Variants in STK10 observed in about 807,000 individuals in gnomAD.
STK10 encodes serine/threonine kinase 10, also known as serine/threonine-protein kinase 10.
STK10 carries 78 observed loss-of-function variants against 113.8 expected under a neutral mutation model. The observed-to-expected ratio is 0.69, with a 90% CI of 0.57 to 0.83. The LOEUF is 0.83. Among genes scored for constraint, STK10 ranks in the 40% least tolerant of loss-of-function variants. The pLI is 0.00. For synonymous variants in STK10, 465 were observed against 494.7 expected (o/e 0.94, Z 0.80); for missense variants, 1,109 against 1,280.1 (o/e 0.87, Z 2.04).
intron 4 of STK10, among the ~76,000 whole-genome samples, chr5:172,116,373 T>A (rs1769383838): frequency 6.6e-6 from 1 of 151,614 alleles, no homozygotes; most frequent in South Asian, 2.1e-4. Context: ...TGAGCCACCA[T>A]GCCTGGCCGA....
intron 12 of STK10, among the ~76,000 whole-genome samples, chr5:172,072,647 C>T (rs1360801960): frequency 1.3e-5 from 2 of 152,180 alleles, no homozygotes; most frequent in African/African-American, 4.8e-5. Context: ...CTATAAACAG[C>T]CCTATTGCTA....
chr5:172,087,107 AGTGTGTGTGTGTGT>A lies in STK10; in HGVS notation c.1685+3111_1685+3124del, dbSNP rs201052929. On this transcript the variant is annotated intron_variant, in intron 10 of 18. Transcript: ENST00000176763. ...CCTCCCGACCCACACAGATGACACCAGTGTGTGTGTGTGTGTGTGTGTGTGTGTGTGTGTGTGTG... is the reference window on the plus strand; with the variant it reads ...CCTCCCGACCCACACAGATGACACCAGTGTGTGTGTGTGTGTGTGTGTGTG... Among the ~76,000 whole-genome samples, 367 of 128,948 alleles carry A rather than the reference AGTGTGTGTGTGTGT, an allele frequency of 2.8e-3. 3 individuals are homozygous for A. Among genetic ancestry groups the A allele is most frequent in the African/African-American group, 8.4e-3 (286 of 33,878 alleles). 84.6% of individuals were successfully genotyped at this position (128,948 alleles called of 152,430 possible).
At chr5:172,066,830 T>C (rs1768083996) in intron 12 of STK10, among the ~76,000 whole-genome samples, 1 of 152,130 alleles carries the variant, frequency 6.6e-6, no homozygotes, top group Non-Finnish European at 1.5e-5. Context: ...TTCCTAACTG[T>C]GTGTGTGAAC....
intron 1 of STK10, among the ~76,000 whole-genome samples, chr5:172,160,098 G>A (rs780572503): frequency 1.8e-4 from 26 of 147,840 alleles, no homozygotes; most frequent in Non-Finnish European, 3.4e-4. Flanking sequence ...ATTGCACCAC[G>A]GCACTCCAGC....
intron 12 of STK10, among the ~76,000 whole-genome samples, chr5:172,068,797 A>G (rs1180635614): frequency 2.0e-5 from 3 of 151,826 alleles, no homozygotes; most frequent in Non-Finnish European, 4.4e-5. Context: ...AGGCATGAGA[A>G]CTGCTTGAAC....
In STK10 at chr5:172,168,484, G is replaced by A. The variant is rs374845303; in HGVS notation, c.157-11696C>T. ...CCACTAAGGCCCCTGGCTGGCAGGC[G>A]TGAGTCAGCAGAGGACAGGAGCCTT... On this transcript the variant is annotated intron_variant, in intron 1 of 18. Coordinates refer to ENST00000176763, the MANE Select transcript of STK10 (RefSeq NM_005990.4). Among the ~76,000 whole-genome samples, 141 of 152,272 alleles carry A rather than the reference G, an allele frequency of 9.3e-4. 5 individuals carry two copies. In the South Asian group the frequency reaches 0.022, roughly 24 times the overall value.
intron 1 of STK10, among the ~76,000 whole-genome samples, chr5:172,181,989 T>TA (rs1770865427): frequency 6.6e-6 from 1 of 152,044 alleles, no homozygotes; most frequent in Non-Finnish European, 1.5e-5. Context: ...AACTCCCAAT[T>TA]TTGCAAAACA....
At chr5:172,105,569 G>T in intron 7 of STK10, 87 bp downstream of exon 7, 2 of 1,387,820 alleles carry the variant, frequency 1.4e-6, no homozygotes, top group Non-Finnish European at 2.0e-6. Context: ...CCCTGGGCGG[G>T]GTGAGAACAT....
Position 172,105,709 on chromosome 5 carries a change from T to C in STK10, c.817A>G (p.Ile273Val), listed in dbSNP as rs1442324445. 1.2e-6 allele frequency: 2 copies of C among 1,613,866 alleles called. No individual in the cohort carries two copies. The highest frequency in any genetic ancestry group is 1.1e-5 in the South Asian group (1 of 91,084). The change falls in exon 7 of 19, where the codon ATA (isoleucine) becomes GTA (valine). Residue 273 changes from isoleucine to valine, a missense_variant. This residue lies in a region of STK10 where 885 missense variants were observed against 991.1 expected (regional missense o/e 0.89). Coordinates refer to ENST00000176763, the MANE Select transcript of STK10 (RefSeq NM_005990.4). The part of the protein sequence containing the change: ...WSVEFRDFLK[I>V]ALDKNPETRP... Reference sequence around the variant, plus strand: ...GTTTCTGGGTTCTTATCCAGGGCTATCTTCAGGAAGTCACGGAACTCTACA... The same window carrying C: ...GTTTCTGGGTTCTTATCCAGGGCTACCTTCAGGAAGTCACGGAACTCTACA...
rs1181937935 is a variant in STK10, at chr5:172,106,672, G to A, written c.736C>T (p.Leu246=). 2 of 1,613,774 alleles carry A rather than the reference G, an allele frequency of 1.2e-6. No individual in the cohort carries two copies. Among genetic ancestry groups the A allele is most frequent in the East Asian group, 2.2e-5 (1 of 44,880 alleles). The change falls in exon 6 of 19, where the codon CTG becomes TTG. Residue 246 remains leucine (L), a synonymous_variant. Coordinates refer to ENST00000176763, the MANE Select transcript of STK10 (RefSeq NM_005990.4). The part of the protein sequence containing the change: ...PHHELNPMRV[L]LKIAKSDPPT... ...GGGTCCGACTTGGCGATCTTTAGCA[G>A]GACCCGCATGGGGTTGAGCTCGTGG...
intron 14 of STK10, among the ~76,000 whole-genome samples, chr5:172,060,522 G>A (rs1206019928): frequency 6.6e-6 from 1 of 152,208 alleles, no homozygotes; most frequent in African/African-American, 2.4e-5. Flanking sequence ...GTGAGAAGGT[G>A]CCATCTATGA....
chr5:172,096,693 G>T, intron 7 of STK10, 133 bp from the exon 8 acceptor site: 1 of 1,230,744 alleles, frequency 8.1e-7, no homozygotes, highest in Non-Finnish European at 1.1e-6. Context: ...TGAACTTGGA[G>T]ACCCAGAGAC....
chr5:172,098,959 TTCACCACCATCACCACCATCATTACCA>T (rs1203443205), intron 7 of STK10, among the ~76,000 whole-genome samples: 2 of 104,744 alleles, frequency 1.9e-5, no homozygotes, highest in Non-Finnish European at 4.0e-5. Flanking sequence ...CATCATCACC[TTCACCACCATCACCACCATCATTACCA>T]TCACCACCAT....
chr5:172,077,810 C>T (rs756045784), intron 12 of STK10, among the ~76,000 whole-genome samples: 6 of 151,852 alleles, frequency 4.0e-5, no homozygotes, highest in Non-Finnish European at 5.9e-5. Context: ...TGCTCTCTCA[C>T]ACTGATTGGA....
intron 10 of STK10, among the ~76,000 whole-genome samples, chr5:172,086,717 C>T (rs945693174): frequency 6.6e-6 from 1 of 152,226 alleles, no homozygotes; most frequent in Admixed American, 6.5e-5. Flanking sequence ...GCCTTCCACA[C>T]CCCTGTGGTC....
At chr5:172,115,977 G>A (rs1769374402) in intron 4 of STK10, among the ~76,000 whole-genome samples, 1 of 152,238 alleles carries the variant, frequency 6.6e-6, no homozygotes, top group Admixed American at 6.5e-5. Context: ...GGGGTTGGGA[G>A]TTGGGGATGC....
rs564653982 is a variant in STK10 at position 172,125,473 on chromosome 5, C to T, written c.370+1900G>A. ...CACCTTGGCTCACTGCAACCTCTAC[C>T]GCCTGGGTTCAAGTGATTCTCCTGC... On this transcript the variant is annotated intron_variant, in intron 3 of 18. Transcript: ENST00000176763. Among the ~76,000 whole-genome samples the T allele has an allele frequency of 7.9e-5, 12 of 152,218 alleles. No individual in the cohort carries two copies. The South Asian group carries it at 1.0e-3, about 13-fold the overall frequency.
chr5:172,089,089 C>T (rs1768631716), intron 10 of STK10, among the ~76,000 whole-genome samples: 1 of 152,204 alleles, frequency 6.6e-6, no homozygotes, highest in African/African-American at 2.4e-5. Flanking sequence ...TCTCTCCCTC[C>T]ACCAGTCCCT....
intron 14 of STK10, among the ~76,000 whole-genome samples, chr5:172,058,460 C>T (rs1478132564): frequency 6.6e-6 from 1 of 152,178 alleles, no homozygotes. Flanking sequence ...CTGGATGAGG[C>T]CTGTTTTATA....
Sources: allele counts gnomAD v4.1 joint callset (sites outside exome capture counted in the v4.1 genomes callset), GRCh38; gene constraint gnomAD v4.1.1; regional missense constraint gnomAD v4.1.1; transcripts MANE v1.5; gene names NCBI Gene and HGNC (gene_info 2026-07-23, HGNC 2026-07-21).